The following ZNF682 variants were observed in gnomAD, a reference collection of about 807,000 sequenced individuals.
The protein encoded by ZNF682 is zinc finger protein 682.
In ZNF682, 29 loss-of-function variants were observed where a neutral mutation model predicts 36.5. The ratio of observed to expected loss-of-function variants is 0.80; its 90% confidence interval spans 0.59 to 1.08. ZNF682 has a LOEUF of 1.08. Ranked by LOEUF, ZNF682 falls within the 50% of genes least tolerant of loss-of-function variation. The pLI is 0.00. For missense variants in ZNF682, 561 were observed against 579.7 expected, an observed-to-expected ratio of 0.97 and a Z score of 0.33; for synonymous variants, 180 against 197.0, an observed-to-expected ratio of 0.91 and a Z score of 0.72.
At chr19:20,021,120 T>C (rs917743404) in intron 3 of ZNF682, among the ~76,000 whole-genome samples, 3 of 152,180 alleles carry the variant, frequency 2.0e-5, no homozygotes, top group African/African-American at 7.2e-5. Flanking sequence ...CTGATTAGCT[T>C]TTAAAAAAAT....
At chr19:20,023,226 C>T (rs933823239) in intron 2 of ZNF682, 127 bp from the exon 3 acceptor site, 7 of 819,110 alleles carry the variant, frequency 8.5e-6, no homozygotes, top group African/African-American at 1.7e-5. Flanking sequence ...AGGACAGGCG[C>T]GTTGGCTCAT....
chr19:20,022,531 G>C (rs975754515), intron 3 of ZNF682, among the ~76,000 whole-genome samples: 3 of 151,914 alleles, frequency 2.0e-5, no homozygotes, highest in African/African-American at 7.2e-5. Context: ...GCTGGGCGTG[G>C]TGGCATACGT....
intron 3 of ZNF682, among the ~76,000 whole-genome samples, chr19:20,011,132 GA>G (rs1003714054): frequency 1.3e-5 from 2 of 151,296 alleles, no homozygotes; most frequent in Admixed American, 6.6e-5. Context: ...ACACAAATGG[GA>G]AAAAAACAAA....
At chr19:20,021,034 A>C (rs2122355177) in intron 3 of ZNF682, among the ~76,000 whole-genome samples, 1 of 142,802 alleles carries the variant, frequency 7.0e-6, no homozygotes, top group Middle Eastern at 3.5e-3. Flanking sequence ...AGGGGTATCC[A>C]ATCTTTTGGC....
chr19:20,005,637 A>C lies in ZNF682; in HGVS notation c.*368T>G, dbSNP rs1259929986. The C allele has an allele frequency of 5.2e-6, 1 of 191,310 alleles. No individual in the cohort carries two copies. Among genetic ancestry groups the C allele is most frequent in the Admixed American group, 5.3e-5 (1 of 18,846 alleles). The allele number at this position is 191,310 out of a possible 1,614,324, so 11.9% of individuals were successfully genotyped here. A position where few individuals can be genotyped will look rare whatever the true frequency, so the allele number is the denominator to read the frequency against. ...ATTTTTGAAGTCTTTCCATGTACAA[A>C]TGTAATGTATCACTATCATTACACC... On this transcript the variant is annotated 3_prime_UTR_variant, in exon 4 of 4. Coordinates refer to ENST00000397165, the MANE Select transcript of ZNF682 (RefSeq NM_033196.3).
Position 20,006,936 on chromosome 19 carries a change from G to T in ZNF682, c.566C>A (p.Ser189Tyr). 6.2e-7 allele frequency: 1 copy of T among 1,613,538 alleles called. No individual in the cohort carries two copies. Among genetic ancestry groups the T allele is most frequent in the Non-Finnish European group, 8.5e-7 (1 of 1,179,648 alleles). The change falls in exon 4 of 4, where the codon TCT becomes TAT. Residue 189 changes from serine (S) to tyrosine (Y), a missense_variant. Physicochemically the swap from Ser to Tyr is moderately radical, Grantham distance 144 (BLOSUM62 -2). Transcript: ENST00000397165. ...TTCAGTGTGAATTATCTTATGATAA[G>T]AAAGGCCTGAGTGAGATTTAAAGAC... ...GKVFKSHSGL[S>Y]YHKIIHTEEK...
chr19:20,032,500 G>C (rs182541029), intron 1 of ZNF682, among the ~76,000 whole-genome samples: 6 of 152,276 alleles, frequency 3.9e-5, no homozygotes, highest in African/African-American at 1.4e-4. Flanking sequence ...GCAATTTGGG[G>C]TTTGCACAAT....
chr19:20,001,562 T>TTG (rs1034383214), downstream of ZNF682, among the ~76,000 whole-genome samples: 3 of 152,194 alleles, frequency 2.0e-5, no homozygotes, highest in Non-Finnish European at 4.4e-5. Context: ...GCAGGGAATA[T>TTG]TGTGTGTGTG....
At chr19:20,035,446 G>A (rs1036110495) in intron 1 of ZNF682, among the ~76,000 whole-genome samples, 1 of 151,898 alleles carries the variant, frequency 6.6e-6, no homozygotes, top group Admixed American at 6.6e-5. Context: ...GGCTGGTCTC[G>A]AACTCCTGAC....
At chr19:19,999,502 C>G (rs1215442342), downstream of ZNF682, among the ~76,000 whole-genome samples, 1 of 152,064 alleles carries the variant, frequency 6.6e-6, no homozygotes, top group Non-Finnish European at 1.5e-5. Flanking sequence ...GATGTCAGGA[C>G]CCAAATTATC....
chr19:20,031,863 A>G (rs2088482881), intron 1 of ZNF682, among the ~76,000 whole-genome samples: 1 of 152,178 alleles, frequency 6.6e-6, no homozygotes, highest in Non-Finnish European at 1.5e-5. Context: ...AATGGCTAAA[A>G]AAAGGGGAAT....
chr19:20,022,618 G>A (rs562857388), intron 3 of ZNF682, among the ~76,000 whole-genome samples: 1 of 151,908 alleles, frequency 6.6e-6, no homozygotes, highest in Non-Finnish European at 1.5e-5. Flanking sequence ...AGCCAAGATT[G>A]AGCCATTGCA....
chr19:20,039,434 G>T lies in ZNF682; in HGVS notation c.-89C>A. 6.4e-7 allele frequency: 1 copy of T among 1,570,668 alleles called. No homozygotes were observed. ...GGCAACAGAGGCTGCGACAGTCACC[G>T]GGAACTACTAGAGCAGAGGATACTA... On this transcript the variant is annotated 5_prime_UTR_variant, in exon 1 of 4. Coordinates refer to ENST00000397165, the MANE Select transcript of ZNF682 (RefSeq NM_033196.3).
At chr19:20,001,466 A>C (rs1464979343), downstream of ZNF682, among the ~76,000 whole-genome samples, 1 of 152,154 alleles carries the variant, frequency 6.6e-6, no homozygotes, top group Non-Finnish European at 1.5e-5. Flanking sequence ...ATAATATTCC[A>C]TAAGTGAGGC....
chr19:20,013,471 A>C (rs77951146), intron 3 of ZNF682, among the ~76,000 whole-genome samples: 3 of 152,358 alleles, frequency 2.0e-5, no homozygotes, highest in African/African-American at 7.2e-5. Flanking sequence ...AAGCACTCTA[A>C]AAATTACACC....
At chr19:20,009,340 C>T (rs1201128879) in intron 3 of ZNF682, among the ~76,000 whole-genome samples, 1 of 151,978 alleles carries the variant, frequency 6.6e-6, no homozygotes, top group African/African-American at 2.4e-5. Flanking sequence ...AAAGAATTCA[C>T]TACAAAAAAA....
chr19:20,011,067 C>T (rs935395616), intron 3 of ZNF682, among the ~76,000 whole-genome samples: 2 of 151,620 alleles, frequency 1.3e-5, no homozygotes, highest in Non-Finnish European at 2.9e-5. Flanking sequence ...AGAAACTCAC[C>T]TCACGTATAA....
intron 3 of ZNF682, among the ~76,000 whole-genome samples, chr19:20,016,518 A>G (rs2088335848): frequency 6.6e-6 from 1 of 152,168 alleles, no homozygotes; most frequent in Non-Finnish European, 1.5e-5. Flanking sequence ...TATTTTTTAA[A>G]AAAACAAAAA....
At chr19:20,029,538 T>A (rs1407192075) in intron 1 of ZNF682, among the ~76,000 whole-genome samples, 2 of 149,352 alleles carry the variant, frequency 1.3e-5, no homozygotes, top group African/African-American at 2.5e-5. Flanking sequence ...GAGGCAGAGG[T>A]TGCAGCGAGC....
Sources: gnomAD v4.1 joint callset for allele counts (sites outside exome capture counted in the v4.1 genomes callset) on GRCh38, gnomAD v4.1.1 for gene constraint, MANE v1.5 for transcripts, NCBI Gene and HGNC (gene_info 2026-07-23, HGNC 2026-07-21) for gene names.